The following KCND2 variants were observed in gnomAD, a reference collection of about 807,000 sequenced individuals.
KCND2 encodes A-type voltage-gated potassium channel KCND2.
A neutral mutation model predicts 54.4 loss-of-function variants in KCND2; 16 were observed. That is an observed-to-expected ratio of 0.29 (90% CI 0.20 to 0.45). The LOEUF (loss-of-function observed/expected upper bound fraction) is 0.45. Ranked by LOEUF, KCND2 falls within the 20% of genes least tolerant of loss-of-function variation. KCND2 has a pLI of 1.00. For synonymous variants in KCND2, 317 were observed against 310.7 expected, an observed-to-expected ratio of 1.02 and a Z score of -0.21; for missense variants, 486 against 824.2, an observed-to-expected ratio of 0.59 and a Z score of 5.02.
intron 1 of KCND2, among the ~76,000 whole-genome samples, chr7:120,420,718 A>G (rs532579127): frequency 2.6e-5 from 4 of 152,264 alleles, no homozygotes; most frequent in African/African-American, 9.6e-5. Context: ...ATAAATTTTC[A>G]TTATTGGAGT....
chr7:120,379,929 T>C (rs934364299), intron 1 of KCND2, among the ~76,000 whole-genome samples: 5 of 152,088 alleles, frequency 3.3e-5, no homozygotes, highest in Non-Finnish European at 7.4e-5. Context: ...ATGTTATTAA[T>C]ACTAATTATG....
chr7:120,447,514 A>G (rs1359201916), intron 1 of KCND2, among the ~76,000 whole-genome samples: 1 of 152,124 alleles, frequency 6.6e-6, no homozygotes, highest in East Asian at 1.9e-4. Context: ...TATAGAAGAA[A>G]TGACTCAGAG....
chr7:120,708,212 C>T (rs543669616), intron 1 of KCND2, among the ~76,000 whole-genome samples: 1 of 152,220 alleles, frequency 6.6e-6, no homozygotes, highest in Non-Finnish European at 1.5e-5. Flanking sequence ...CAATAGCTTT[C>T]TTTGAAATGC....
intron 1 of KCND2, among the ~76,000 whole-genome samples, chr7:120,659,943 A>G (rs1791846294): frequency 6.6e-6 from 1 of 152,202 alleles, no homozygotes; most frequent in Non-Finnish European, 1.5e-5. Context: ...AAAATATAGC[A>G]GGAAAGATTA....
At chr7:120,394,335 T>G (rs754315249) in intron 1 of KCND2, among the ~76,000 whole-genome samples, 21 of 152,048 alleles carry the variant, frequency 1.4e-4, no homozygotes, top group Admixed American at 4.6e-4. Context: ...TAAGTCTACC[T>G]CTTGCTGGAG....
At chr7:120,529,758 A>C (rs1451918178) in intron 1 of KCND2, among the ~76,000 whole-genome samples, 1 of 152,102 alleles carries the variant, frequency 6.6e-6, no homozygotes, top group Non-Finnish European at 1.5e-5. Context: ...TCCAGAGACT[A>C]GCCTCAAAAA....
At chr7:120,481,419 A>G (rs1392548624) in intron 1 of KCND2, among the ~76,000 whole-genome samples, 2 of 152,206 alleles carry the variant, frequency 1.3e-5, no homozygotes, top group Admixed American at 1.3e-4. Flanking sequence ...CTGGCCATGT[A>G]AAGAATGAAA....
At chr7:120,352,459 TACACAC>T (rs199700951) in intron 1 of KCND2, among the ~76,000 whole-genome samples, 14,784 of 147,470 alleles carry the variant, frequency 0.1, 1,657 homozygotes, top group East Asian at 0.51. Context: ...CACACATACA[TACACAC>T]ACACACACAC....
At chr7:120,365,733 C>A (rs1051156806) in intron 1 of KCND2, among the ~76,000 whole-genome samples, 5 of 152,054 alleles carry the variant, frequency 3.3e-5, no homozygotes, top group Non-Finnish European at 7.4e-5. Flanking sequence ...CTGAAAGATG[C>A]ACCTACAGGA....
chr7:120,617,383 G>GA (rs1793039853), intron 1 of KCND2, among the ~76,000 whole-genome samples: 1 of 152,062 alleles, frequency 6.6e-6, no homozygotes, highest in Admixed American at 6.5e-5. Context: ...GCAAGCATAC[G>GA]AAAAAGATGC....
At chr7:120,333,272 C>T (rs1057177644) in intron 1 of KCND2, among the ~76,000 whole-genome samples, 2 of 152,176 alleles carry the variant, frequency 1.3e-5, no homozygotes, top group African/African-American at 2.4e-5. Context: ...ATACTGTTTT[C>T]GAATTGCAAA....
intron 1 of KCND2, among the ~76,000 whole-genome samples, chr7:120,688,526 T>G (rs1372000259): frequency 6.6e-6 from 1 of 152,182 alleles, no homozygotes. Context: ...AGAGAGGACC[T>G]TCCCAGGCCC....
intron 1 of KCND2, among the ~76,000 whole-genome samples, chr7:120,728,657 A>G (rs531518596): frequency 6.6e-6 from 1 of 152,122 alleles, no homozygotes; most frequent in South Asian, 2.1e-4. Context: ...GTAGTCTTTT[A>G]ATCAATCTTA....
chr7:120,430,706 A>T (rs182786292), intron 1 of KCND2, among the ~76,000 whole-genome samples: 13 of 152,332 alleles, frequency 8.5e-5, no homozygotes, highest in African/African-American at 2.9e-4. Context: ...ACATATTTTC[A>T]TGAAGAGATG....
intron 1 of KCND2, among the ~76,000 whole-genome samples, chr7:120,730,605 A>C (rs760529071): frequency 2.0e-5 from 3 of 152,200 alleles, no homozygotes; most frequent in Non-Finnish European, 4.4e-5. Context: ...CTATAAATTA[A>C]TACTGTTATT....
chr7:120,414,619 A>G (rs960559844), intron 1 of KCND2, among the ~76,000 whole-genome samples: 2 of 152,128 alleles, frequency 1.3e-5, no homozygotes, highest in African/African-American at 4.8e-5. Flanking sequence ...ATCAAATGTC[A>G]TGTCATCTCC....
At chr7:120,745,654 T>A in intron 4 of KCND2, 126 bp from the exon 5 acceptor site, 1 of 982,216 alleles carries the variant, frequency 1.0e-6, no homozygotes, top group Non-Finnish European at 1.5e-6. Flanking sequence ...TGAAAATGGT[T>A]TTATTTAACC....
chr7:120,632,687 A>C (rs1031861698), intron 1 of KCND2, among the ~76,000 whole-genome samples: 1 of 152,216 alleles, frequency 6.6e-6, no homozygotes, highest in Admixed American at 6.5e-5. Context: ...AAATTATCCC[A>C]CTAAATCCTC....
At chr7:120,466,606 A>G (rs1357097428) in intron 1 of KCND2, among the ~76,000 whole-genome samples, 1 of 152,054 alleles carries the variant, frequency 6.6e-6, no homozygotes, top group Non-Finnish European at 1.5e-5. Flanking sequence ...GCCCCTCTCT[A>G]CAGCTCATTT....
Sources: allele counts gnomAD v4.1 joint callset (sites outside exome capture counted in the v4.1 genomes callset), GRCh38; gene constraint gnomAD v4.1.1; transcripts MANE v1.5; gene names NCBI Gene and HGNC (gene_info 2026-07-23, HGNC 2026-07-21).